Variants in CTCF observed in about 807,000 individuals in gnomAD.
CTCF encodes CCCTC-binding factor, also known as transcriptional repressor CTCF.
In CTCF, 7 loss-of-function variants were observed where a neutral mutation model predicts 72.3. That is an observed-to-expected ratio of 0.10 (90% CI 0.06 to 0.18). The LOEUF (loss-of-function observed/expected upper bound fraction) is 0.18. Ranked by LOEUF, CTCF falls within the 10% of genes least tolerant of loss-of-function variation. The probability of loss-of-function intolerance (pLI) is 1.00; values close to 1 mark genes in which losing one functional copy is unlikely to be tolerated. For synonymous variants in CTCF, 374 were observed against 315.8 expected, an observed-to-expected ratio of 1.18 and a Z score of -1.95; for missense variants, 516 against 949.1, an observed-to-expected ratio of 0.54 and a Z score of 6.00.
At chr16:67,590,328 G>C (rs1293236092) in intron 2 of CTCF, among the ~76,000 whole-genome samples, 1 of 151,902 alleles carries the variant, frequency 6.6e-6, no homozygotes, top group African/African-American at 2.4e-5. Context: ...GTAGCTGTTA[G>C]AATAATTGTT....
intron 7 of CTCF, among the ~76,000 whole-genome samples, chr16:67,622,811 ATTTT>A (rs951749794): frequency 8.1e-6 from 1 of 123,930 alleles, no homozygotes; most frequent in South Asian, 2.6e-4. Flanking sequence ...GCCCGGCTAA[ATTTT>A]TTTTTTTTTT....
chr16:67,618,798 T>C (rs1306514606), intron 5 of CTCF, among the ~76,000 whole-genome samples: 3 of 152,148 alleles, frequency 2.0e-5, no homozygotes, highest in Admixed American at 6.5e-5. Flanking sequence ...CAACAAAAAA[T>C]ATCTATGAAA....
At chr16:67,613,832 G>C (rs914471422) in intron 4 of CTCF, among the ~76,000 whole-genome samples, 3 of 152,138 alleles carry the variant, frequency 2.0e-5, no homozygotes, top group African/African-American at 7.2e-5. Flanking sequence ...CCCAAGATGG[G>C]TGTGCCTTGG....
chr16:67,566,737 G>A (rs898611964), intron 1 of CTCF, among the ~76,000 whole-genome samples: 2 of 151,126 alleles, frequency 1.3e-5, no homozygotes, highest in Non-Finnish European at 2.9e-5. Flanking sequence ...CTGCCACCAC[G>A]CCTGGCTAAT....
chr16:67,575,844 T>C (rs977120091), intron 2 of CTCF, among the ~76,000 whole-genome samples: 1 of 151,468 alleles, frequency 6.6e-6, no homozygotes, highest in Non-Finnish European at 1.5e-5. Context: ...CATAGGAAAA[T>C]GGGTTAGATT....
At chr16:67,577,681 T>C (rs1250781336) in intron 2 of CTCF, among the ~76,000 whole-genome samples, 1 of 151,884 alleles carries the variant, frequency 6.6e-6, no homozygotes, top group Admixed American at 6.6e-5. Context: ...TCTCCTGACC[T>C]TGTGATCCGT....
intron 2 of CTCF, among the ~76,000 whole-genome samples, chr16:67,572,958 C>CA (rs1362210131): frequency 3.7e-5 from 5 of 134,382 alleles, no homozygotes; most frequent in African/African-American, 1.1e-4. Context: ...CCCCCCCCCC[C>CA]AAAACAACAA....
intron 1 of CTCF, among the ~76,000 whole-genome samples, chr16:67,564,464 T>C (rs2051317707): frequency 6.6e-6 from 1 of 152,244 alleles, no homozygotes; most frequent in African/African-American, 2.4e-5. Context: ...GCACGCTTTC[T>C]ATGTCTCCTT....
intron 4 of CTCF, among the ~76,000 whole-genome samples, chr16:67,613,738 C>T (rs896670724): frequency 1.3e-5 from 2 of 151,954 alleles, no homozygotes; most frequent in Admixed American, 6.6e-5. Flanking sequence ...ATTGTGCCAC[C>T]GTACTCCAAC....
chr16:67,608,335 TA>T (rs76741186), intron 2 of CTCF, among the ~76,000 whole-genome samples: 185 of 131,764 alleles, frequency 1.4e-3, no homozygotes, highest in African/African-American at 4.0e-3. Context: ...AAAAAAAAAT[TA>T]AAAAAAAAAA....
rs71393958 is a variant in CTCF at position 67,629,806 on chromosome 16, G to A, written c.1837+273G>A. 0.014 allele frequency among the ~76,000 whole-genome samples: 1,304 copies of A among 93,136 alleles called. 20 individuals are homozygous for A. The highest frequency in any genetic ancestry group is 0.02 in the Non-Finnish European group (1,021 of 52,092). 61.1% of individuals were successfully genotyped at this position (93,136 alleles called of 152,430 possible). A position where few individuals can be genotyped will look rare whatever the true frequency, so the allele number is the denominator to read the frequency against. On this transcript the variant is annotated intron_variant, in intron 10 of 11. Transcript: ENST00000264010. ...TTTTTTTTTTTTGAGACGGAGTCTCGCTCTGTCGCCCAGGCTGGAGTGCAC... is the reference window on the plus strand; with the variant it reads ...TTTTTTTTTTTTGAGACGGAGTCTCACTCTGTCGCCCAGGCTGGAGTGCAC...
chr16:67,563,826 G>C (rs1358926847), intron 1 of CTCF: 1 of 152,222 alleles, frequency 6.6e-6, no homozygotes, highest in East Asian at 1.9e-4. Flanking sequence ...TGATGCTCTA[G>C]GGCTAGGTGA....
chr16:67,617,802 C>G (rs532221922), intron 5 of CTCF, among the ~76,000 whole-genome samples: 3 of 152,198 alleles, frequency 2.0e-5, no homozygotes, highest in African/African-American at 7.2e-5. Context: ...TGAAGCTACA[C>G]TGTTACCAAA....
At chr16:67,603,744 T>G (rs1308312425) in intron 2 of CTCF, among the ~76,000 whole-genome samples, 5 of 143,812 alleles carry the variant, frequency 3.5e-5, no homozygotes, top group Admixed American at 6.9e-5. Flanking sequence ...AGAATGGCGT[T>G]AACCCAGTAG....
At chr16:67,589,276 G>A (rs1030661939) in intron 2 of CTCF, among the ~76,000 whole-genome samples, 1 of 152,054 alleles carries the variant, frequency 6.6e-6, no homozygotes, top group African/African-American at 2.4e-5. Context: ...ACTCCAGTCT[G>A]GGAGACAGAG....
At position 67,611,461 on chromosome 16, in the gene CTCF, G is replaced by A. The variant is rs2142826354; in HGVS notation, c.629G>A (p.Ser210Asn). 1.9e-6 allele frequency: 3 copies of A among 1,614,122 alleles called. No individual in the cohort carries two copies. Among genetic ancestry groups the A allele is most frequent in the South Asian group, 1.1e-5 (1 of 91,088 alleles). The change falls in exon 3 of 12, where the codon AGC becomes AAC. Residue 210 changes from serine (S) to asparagine (N), a missense_variant. Ser to Asn is a conservative substitution (Grantham distance 46, BLOSUM62 1). Around this residue, in one of 7 missense-constraint regions of CTCF, gnomAD observed 53 missense variants for 63.6 expected, o/e 0.83. Coordinates refer to ENST00000264010, the MANE Select transcript of CTCF (RefSeq NM_006565.4). The stretch of plus-strand genomic sequence containing the variant: ...AAAAAAACAAAGAAAACCAAAAAGA[G>A]CAAACTGCGTTATACAGAGGAGGGC... Reference protein sequence around the residue: ...PAKKTKKTKKSKLRYTEEGKD... With the variant: ...PAKKTKKTKKNKLRYTEEGKD...
intron 2 of CTCF, among the ~76,000 whole-genome samples, chr16:67,592,973 C>G (rs1346721099): frequency 6.6e-6 from 1 of 151,478 alleles, no homozygotes; most frequent in Non-Finnish European, 1.5e-5. Flanking sequence ...TTGCAGTGAG[C>G]CGAGATCGCG....
At chr16:67,629,671 C>G in intron 10 of CTCF, 138 bp downstream of exon 10, 1 of 578,616 alleles carries the variant, frequency 1.7e-6, no homozygotes, top group Non-Finnish European at 2.5e-6. Flanking sequence ...CTCCTAACGT[C>G]TATTTACAAC....
chr16:67,606,714 T>C (rs1248054069), intron 2 of CTCF, among the ~76,000 whole-genome samples: 2 of 151,786 alleles, frequency 1.3e-5, no homozygotes, highest in Non-Finnish European at 2.9e-5. Context: ...TTGAGCTGTA[T>C]TCTTGGCCAA....
Sources: allele counts gnomAD v4.1 joint callset (sites outside exome capture counted in the v4.1 genomes callset), GRCh38; gene constraint gnomAD v4.1.1; regional missense constraint gnomAD v4.1.1; transcripts MANE v1.5; gene names NCBI Gene and HGNC (gene_info 2026-07-23, HGNC 2026-07-21).